Variants in LAMA3 observed in about 807,000 individuals in gnomAD.
The protein encoded by LAMA3 is laminin subunit alpha 3, also known as laminin subunit alpha-3.
In LAMA3, 281 loss-of-function variants were observed where a neutral mutation model predicts 402.0. The ratio of observed to expected loss-of-function variants is 0.70; its 90% confidence interval spans 0.63 to 0.77. The LOEUF (loss-of-function observed/expected upper bound fraction) is 0.77. LAMA3 is among the 30% of genes least tolerant of loss of function. LAMA3 has a pLI of 0.00. For synonymous variants in LAMA3, 1,431 were observed against 1,558.4 expected (o/e 0.92, Z 1.93); for missense variants, 3,840 against 4,215.5 (o/e 0.91, Z 2.47).
intron 1 of LAMA3, among the ~76,000 whole-genome samples, chr18:23,690,868 G>A (rs1471728697): frequency 7.7e-6 from 1 of 129,112 alleles, no homozygotes; most frequent in Non-Finnish European, 1.7e-5. Flanking sequence ...CCTCAGGCCT[G>A]GCAATTATTT....
At chr18:23,710,653 G>C (rs554034277) in intron 1 of LAMA3, among the ~76,000 whole-genome samples, 1 of 151,982 alleles carries the variant, frequency 6.6e-6, no homozygotes, top group African/African-American at 2.4e-5. Context: ...AGGTTGATTT[G>C]CAGTAAATAT....
intron 1 of LAMA3, among the ~76,000 whole-genome samples, chr18:23,690,764 C>G (rs866945238): frequency 4.9e-5 from 7 of 143,308 alleles, no homozygotes; most frequent in Middle Eastern, 3.5e-3. Context: ...GCGTGCCCCC[C>G]CGTGCCTGGC....
intron 42 of LAMA3, among the ~76,000 whole-genome samples, chr18:23,891,132 C>G (rs2080646672): frequency 2.0e-5 from 3 of 152,192 alleles, no homozygotes; most frequent in Non-Finnish European, 4.4e-5. Context: ...GGCACAGATG[C>G]TTATGTACCC....
intron 2 of LAMA3, among the ~76,000 whole-genome samples, chr18:23,728,137 A>T (rs1479057959): frequency 6.6e-6 from 1 of 152,158 alleles, no homozygotes; most frequent in Non-Finnish European, 1.5e-5. Context: ...AGATTTGGTG[A>T]TGTAGTTCAA....
chr18:23,923,174 A>G (rs564655625), intron 62 of LAMA3, among the ~76,000 whole-genome samples: 1 of 152,356 alleles, frequency 6.6e-6, no homozygotes, highest in South Asian at 2.1e-4. Flanking sequence ...TGTGGGCAGC[A>G]GGGGCCTGAC....
intron 42 of LAMA3, among the ~76,000 whole-genome samples, chr18:23,891,592 C>T (rs2080667063): frequency 6.6e-6 from 1 of 152,120 alleles, no homozygotes; most frequent in African/African-American, 2.4e-5. Flanking sequence ...CCTCAACAGT[C>T]TAGAATGATG....
chr18:23,916,480 G>A, intron 59 of LAMA3, 71 bp from the exon 60 acceptor site: 1 of 1,537,988 alleles, frequency 6.5e-7, no homozygotes, highest in South Asian at 1.1e-5. Context: ...GCAACATCTT[G>A]TATTAATAAG....
chr18:23,876,192 A>C (rs2144860613), intron 38 of LAMA3, 102 bp from the exon 39 acceptor site: 1 of 803,694 alleles, frequency 1.2e-6, no homozygotes, highest in East Asian at 2.6e-5. Context: ...CTGTCTAAAA[A>C]ATAAAAATGA....
At position 23,920,979 on chromosome 18, in the gene LAMA3, G is replaced by T. The variant is rs747793936; in HGVS notation, c.7968G>T (p.Val2656=). ...ATATAGAAGATGGCAAGCTCATGGT[G>T]AGATACAAACTGAATTCAGAGCTAC... is the stretch of plus-strand genomic sequence containing the variant. ...SLNIEDGKLM[V]RYKLNSELPK... is the part of the protein sequence containing the mutation. Residue 2656 remains valine (V), a synonymous_variant, in exon 61 of 75, where the codon GTG becomes GTT. Transcript: ENST00000313654. 1 of 1,614,030 alleles carries T rather than the reference G, an allele frequency of 6.2e-7. No individual in the cohort carries two copies. Among genetic ancestry groups the T allele is most frequent in the Admixed American group, 1.7e-5 (1 of 60,026 alleles).
chr18:23,948,633 G>C (rs1381133210), intron 70 of LAMA3, among the ~76,000 whole-genome samples: 1 of 150,892 alleles, frequency 6.6e-6, no homozygotes, highest in Non-Finnish European at 1.5e-5. Flanking sequence ...GCAGTAGTAC[G>C]ATCTCGGCTC....
Position 23,846,330 on chromosome 18 carries a change from C to T in LAMA3, c.3753C>T (p.Ser1251=), listed in dbSNP as rs773802763. ...PQTASRFCKN[S]ARSLVAFYHK... Reference sequence around the variant, plus strand: ...CAGCCTCCAGATTCTGTAAGAATTCCGCCAGGTCCCTGGTGGCCTTTTACC... The same window carrying T: ...CAGCCTCCAGATTCTGTAAGAATTCTGCCAGGTCCCTGGTGGCCTTTTACC... Residue 1251 remains serine (S), a synonymous_variant, in exon 31 of 75, where the codon TCC becomes TCT. Transcript: ENST00000313654. 32 of 1,614,230 alleles carry T rather than the reference C, an allele frequency of 2.0e-5. 1 individual carries two copies. Among genetic ancestry groups the T allele is most frequent in the Middle Eastern group, 1.6e-4 (1 of 6,062 alleles).
At chr18:23,705,341 A>G (rs946662153) in intron 1 of LAMA3, among the ~76,000 whole-genome samples, 1 of 152,124 alleles carries the variant, frequency 6.6e-6, no homozygotes, top group South Asian at 2.1e-4. Context: ...TGGATTAGTC[A>G]TAACACTCAG....
At position 23,709,243 on chromosome 18, in the gene LAMA3, T is replaced by C. The variant is rs2060944503; in HGVS notation, c.295-4677T>C. On this transcript the variant is annotated intron_variant, in intron 1 of 74. Transcript: ENST00000313654. ...GCACCACCACACCCAGCTATTATTT[T>C]TGTATTTTTAGTAGAGACGGGGTTT... Among the ~76,000 whole-genome samples the C allele has an allele frequency of 2.0e-5, 3 of 151,888 alleles. No individual in the cohort carries two copies. In the South Asian group the frequency reaches 6.2e-4, roughly 32 times the overall value.
rs111345265 is a variant in LAMA3, at chr18:23,778,072, G to A, written c.1468+453G>A. On this transcript the variant is annotated intron_variant, in intron 11 of 74. Coordinates refer to ENST00000313654, the MANE Select transcript of LAMA3 (RefSeq NM_198129.4). ...TTAGTGGAGGCATTAATGCTTCTGG[G>A]GCATTCACCCTCTGGCACTTACAGC... is the stretch of plus-strand genomic sequence containing the variant. Among the ~76,000 whole-genome samples the A allele has an allele frequency of 3.8e-3, 583 of 152,248 alleles. 3 individuals carry two copies. Among genetic ancestry groups the A allele is most frequent in the Middle Eastern group, 0.027 (8 of 294 alleles).
chr18:23,941,767 TGTTAGTCA>T (rs1187823808), intron 68 of LAMA3, among the ~76,000 whole-genome samples: 5 of 152,202 alleles, frequency 3.3e-5, no homozygotes, highest in Non-Finnish European at 7.3e-5. Context: ...TTTTTTTGGG[TGTTAGTCA>T]GTTAGTCTTT....
chr18:23,791,022 G>T (rs997059337), intron 12 of LAMA3, among the ~76,000 whole-genome samples: 19 of 152,006 alleles, frequency 1.2e-4, no homozygotes, highest in African/African-American at 4.6e-4. Context: ...TCCAGTAGCT[G>T]GTACTACAGG....
intron 66 of LAMA3, 151 bp downstream of exon 66, chr18:23,932,442 A>G (rs1167004690): frequency 1.2e-6 from 1 of 833,892 alleles, no homozygotes; most frequent in Non-Finnish European, 1.9e-6. Context: ...CTTTGGCAAG[A>G]TACACCCATT....
chr18:23,781,187 G>A, intron 11 of LAMA3: 2 of 403,190 alleles, frequency 5.0e-6, no homozygotes, highest in Non-Finnish European at 5.1e-6. Context: ...TTCGTTTAAC[G>A]CCAAGACTGT....
intron 44 of LAMA3, 23 bp from the exon 45 acceptor site, chr18:23,898,715 A>G (rs754879546): frequency 1.6e-6 from 2 of 1,256,242 alleles, no homozygotes; most frequent in Non-Finnish European, 2.3e-6. Flanking sequence ...GTAAAGTGAC[A>G]TTCATTTGTG....
Sources: allele counts gnomAD v4.1 joint callset (sites outside exome capture counted in the v4.1 genomes callset), GRCh38; gene constraint gnomAD v4.1.1; transcripts MANE v1.5; gene names NCBI Gene and HGNC (gene_info 2026-07-23, HGNC 2026-07-21).